COA1: variants seen among roughly 807,000 people sequenced by gnomAD.
The protein encoded by COA1 is cytochrome c oxidase assembly factor 1 homolog.
A neutral mutation model predicts 16.0 loss-of-function variants in COA1; 13 were observed. The observed-to-expected ratio is 0.81, with a 90% CI of 0.53 to 1.29. COA1 has a LOEUF of 1.29. COA1 is among the 50% of genes most tolerant of loss of function. The pLI, the probability that COA1 is intolerant of heterozygous loss-of-function variation, is 0.00. For missense variants in COA1, 179 were observed against 177.0 expected (o/e 1.01, Z -0.06); for synonymous variants, 65 against 65.7 (o/e 0.99, Z 0.05).
intron 6 of COA1, chr7:43,633,518 A>G (rs2085376361): frequency 2.0e-5 from 3 of 152,302 alleles, no homozygotes; most frequent in Non-Finnish European, 4.4e-5. Context: ...ATCGTGCCCA[A>G]AACAATTACA....
intron 1 of COA1, among the ~76,000 whole-genome samples, chr7:43,688,538 T>A (rs1257352828): frequency 6.6e-6 from 1 of 152,198 alleles, no homozygotes; most frequent in Non-Finnish European, 1.5e-5. Context: ...TCTTCATTAG[T>A]CAGGATCAGG....
intron 1 of COA1, among the ~76,000 whole-genome samples, chr7:43,697,593 T>C (rs978689782): frequency 1.3e-5 from 2 of 152,318 alleles, no homozygotes; most frequent in East Asian, 1.9e-4. Flanking sequence ...TGGAAACTTA[T>C]TTGATTAAAA....
At chr7:43,645,199 C>A (rs1486041133) in intron 4 of COA1, 52 bp downstream of exon 4, 17 of 1,587,016 alleles carry the variant, frequency 1.1e-5, no homozygotes, top group African/African-American at 2.7e-5. Context: ...ACAGTAGACT[C>A]TCCTCTCCTT....
chr7:43,648,646 A>ACTT lies in COA1; in HGVS notation c.-33_-32insAAG, dbSNP rs140552379. Reference sequence around the variant, plus strand: ...ACTCTCTTGAAAATCATCAAAGGCAAGTTGTCCTGCAATTAGAAAAGATTT... The same window carrying ACTT: ...ACTCTCTTGAAAATCATCAAAGGCAACTTGTTGTCCTGCAATTAGAAAAGATTT... On this transcript the variant is annotated 5_prime_UTR_variant, in exon 2 of 6. Coordinates refer to ENST00000223336, the MANE Select transcript of COA1 (RefSeq NM_018224.4). The ACTT allele has an allele frequency of 2.6e-4, 415 of 1,611,520 alleles. 5 individuals carry two copies. The East Asian group carries it at 5.5e-3, about 21-fold the overall frequency.
chr7:43,715,735 G>A (rs1173156809), intron 1 of COA1, among the ~76,000 whole-genome samples: 1 of 152,094 alleles, frequency 6.6e-6, no homozygotes, highest in African/African-American at 2.4e-5. Context: ...AACAAACACG[G>A]GTAGTATTTA....
At chr7:43,693,938 TA>T (rs1206396979) in intron 1 of COA1, among the ~76,000 whole-genome samples, 3 of 152,008 alleles carry the variant, frequency 2.0e-5, no homozygotes, top group Non-Finnish European at 4.4e-5. Context: ...CCTGGTTGAC[TA>T]GGTCACAACT....
At chr7:43,644,762 G>GATAGC (rs1563228848) in intron 4 of COA1, among the ~76,000 whole-genome samples, 1 of 80,044 alleles carries the variant, frequency 1.2e-5, no homozygotes. Flanking sequence ...AGATAGATAG[G>GATAGC]CAGGCAGGCA....
intron 1 of COA1, among the ~76,000 whole-genome samples, chr7:43,727,973 C>G (rs1240509333): frequency 7.2e-6 from 1 of 138,216 alleles, no homozygotes; most frequent in Non-Finnish European, 1.6e-5. Context: ...TTTAGGTTTT[C>G]TTTCTTTTTT....
At chr7:43,680,936 A>T (rs902554443) in intron 1 of COA1, among the ~76,000 whole-genome samples, 15 of 151,888 alleles carry the variant, frequency 9.9e-5, no homozygotes, top group African/African-American at 3.6e-4. Context: ...GCCCCATTAC[A>T]CTCCAGCCTG....
intron 1 of COA1, among the ~76,000 whole-genome samples, chr7:43,707,097 C>A (rs987291860): frequency 6.6e-5 from 10 of 151,620 alleles, no homozygotes; most frequent in Non-Finnish European, 1.3e-4. Context: ...TTTCTTGAAC[C>A]CAGGAGGCTG....
intron 4 of COA1, among the ~76,000 whole-genome samples, chr7:43,643,136 T>C (rs952185870): frequency 7.9e-5 from 12 of 152,104 alleles, no homozygotes; most frequent in African/African-American, 2.9e-4. Context: ...GCCCCAGGGA[T>C]GTGGGGAAGC....
chr7:43,669,107 A>G (rs575699128), intron 1 of COA1, among the ~76,000 whole-genome samples: 1 of 152,294 alleles, frequency 6.6e-6, no homozygotes, highest in South Asian at 2.1e-4. Context: ...GAGAAGCCCT[A>G]GCTGCTGTTC....
chr7:43,661,471 T>G (rs922620872), intron 1 of COA1, among the ~76,000 whole-genome samples: 11 of 152,042 alleles, frequency 7.2e-5, no homozygotes, highest in African/African-American at 2.4e-4. Flanking sequence ...CCGTCTCTAC[T>G]AAAAATACAA....
chr7:43,723,477 C>T (rs559191198), intron 1 of COA1, among the ~76,000 whole-genome samples: 1 of 152,270 alleles, frequency 6.6e-6, no homozygotes, highest in South Asian at 2.1e-4. Context: ...CACAGCACAC[C>T]AGGGTAATTG....
chr7:43,662,022 T>G (rs1029168545), intron 1 of COA1, among the ~76,000 whole-genome samples: 6 of 152,238 alleles, frequency 3.9e-5, no homozygotes, highest in African/African-American at 1.2e-4. Flanking sequence ...AGAAATTAAT[T>G]TTAATGTAAC....
Position 43,722,091 on chromosome 7 carries a change from C to CT in COA1, c.-39+7337dup, listed in dbSNP as rs34638426. 2.0e-3 allele frequency among the ~76,000 whole-genome samples: 259 copies of CT among 132,348 alleles called. 1 individual carries two copies. The highest frequency in any genetic ancestry group is 4.5e-3 in the East Asian group (20 of 4,466). The allele number at this position is 132,348 out of a possible 152,430, so 86.8% of individuals were successfully genotyped here. A position where few individuals can be genotyped will look rare whatever the true frequency, so the allele number is the denominator to read the frequency against. On this transcript the variant is annotated intron_variant, in intron 1 of 5. Transcript: ENST00000223336. ...GGACATTCACCGTTGATTCTGGTAA[C>CT]TTTTTTTTTTTTTTTTTGAGACAGG...
chr7:43,627,870 C>T (rs2084738916), intron 6 of COA1, among the ~76,000 whole-genome samples: 1 of 152,194 alleles, frequency 6.6e-6, no homozygotes, highest in African/African-American at 2.4e-5. Context: ...TCCTCAAACT[C>T]ATGTAGTTGG....
rs1447927134 is a variant in COA1 at position 43,631,397 on chromosome 7, TG to T, written c.*133+8051del. 3 of 152,294 alleles carry T rather than the reference TG, an allele frequency of 2.0e-5. No homozygotes were observed. The East Asian group carries it at 5.8e-4, about 29-fold the overall frequency. 9.4% of individuals were successfully genotyped at this position (152,294 alleles called of 1,614,324 possible). ...TGTGCCACCATGCCTGGCTAATTTTTGTATTTTTAGTAGAGACAGGGTTTTG... is the reference window on the plus strand; with the variant it reads ...TGTGCCACCATGCCTGGCTAATTTTTTATTTTTAGTAGAGACAGGGTTTTG... On this transcript the variant is annotated intron_variant and NMD_transcript_variant, in intron 6 of 6. Transcript: ENST00000415076.
chr7:43,721,540 C>A (rs1330891523), intron 1 of COA1, among the ~76,000 whole-genome samples: 1 of 152,068 alleles, frequency 6.6e-6, no homozygotes, highest in African/African-American at 2.4e-5. Context: ...TAGATTAAAT[C>A]CCTAATAAAG....
Sources: allele counts gnomAD v4.1 joint callset (sites outside exome capture counted in the v4.1 genomes callset), GRCh38; gene constraint gnomAD v4.1.1; transcripts MANE v1.5; gene names NCBI Gene and HGNC (gene_info 2026-07-23, HGNC 2026-07-21).